TFDP2: variants seen among roughly 807,000 people sequenced by gnomAD.
TFDP2 encodes transcription factor Dp-2.
TFDP2 carries 17 observed loss-of-function variants against 59.3 expected under a neutral mutation model. The ratio of observed to expected loss-of-function variants is 0.29; its 90% CI spans 0.20 to 0.43. The LOEUF (loss-of-function observed/expected upper bound fraction) is 0.43, where lower values mean the gene tolerates loss of function less well. Ranked by LOEUF, TFDP2 falls within the 20% of genes least tolerant of loss-of-function variation. TFDP2 has a pLI of 1.00. For synonymous variants in TFDP2, 180 were observed against 194.7 expected (o/e 0.92, Z 0.63); for missense variants, 391 against 528.8 (o/e 0.74, Z 2.56).
At chr3:142,026,125 G>T (rs979025291) in intron 3 of TFDP2, among the ~76,000 whole-genome samples, 3 of 152,154 alleles carry the variant, frequency 2.0e-5, no homozygotes, top group Admixed American at 1.3e-4. Flanking sequence ...TCAGGCCGAG[G>T]TGGGCAGATC....
At chr3:142,144,742 T>C (rs2063103723) in intron 1 of TFDP2, among the ~76,000 whole-genome samples, 1 of 152,172 alleles carries the variant, frequency 6.6e-6, no homozygotes, top group African/African-American at 2.4e-5. Flanking sequence ...GGTTTCACCA[T>C]GTTGCCCAGG....
chr3:142,096,273 TA>T (rs1048364582), intron 2 of TFDP2, among the ~76,000 whole-genome samples: 1 of 152,240 alleles, frequency 6.6e-6, no homozygotes, highest in African/African-American at 2.4e-5. Flanking sequence ...AAATATGTAT[TA>T]ATTTCTACTA....
At chr3:142,084,471 G>A (rs1165974739) in intron 3 of TFDP2, among the ~76,000 whole-genome samples, 3 of 152,102 alleles carry the variant, frequency 2.0e-5, no homozygotes, top group Non-Finnish European at 4.4e-5. Flanking sequence ...CCCACTACTA[G>A]GTATACACCC....
At chr3:142,117,917 T>C (rs148271465) in intron 1 of TFDP2, among the ~76,000 whole-genome samples, 6,024 of 152,016 alleles carry the variant, frequency 0.04, 395 homozygotes, top group African/African-American at 0.14. Flanking sequence ...GCCAACATGG[T>C]GAAACCCCGT....
intron 11 of TFDP2, among the ~76,000 whole-genome samples, chr3:141,954,972 T>C (rs2107840486): frequency 6.6e-6 from 1 of 152,154 alleles, no homozygotes; most frequent in Non-Finnish European, 1.5e-5. Context: ...TTGAGACAGC[T>C]GGGAAAAAAA....
rs563034145 is a variant in TFDP2 at position 142,028,477 on chromosome 3, C to T, written c.83-22933G>A. 18 of 798,388 alleles carry T rather than the reference C, an allele frequency of 2.3e-5. No individual in the cohort carries two copies. In the South Asian group the frequency reaches 9.4e-4, roughly 42 times the overall value. The allele number at this position is 798,388 out of a possible 1,614,324, so 49.5% of individuals were successfully genotyped here. On this transcript the variant is annotated intron_variant, in intron 3 of 12. Coordinates refer to ENST00000489671, the MANE Select transcript of TFDP2 (RefSeq NM_001178139.2). ...GCAAGGACGTCTTGAAATCAGCGTG[C>T]TCCTGGCTATTTATCAATTTAATAT...
chr3:142,034,462 C>G (rs1170967829), intron 3 of TFDP2, among the ~76,000 whole-genome samples: 1 of 152,092 alleles, frequency 6.6e-6, no homozygotes, highest in African/African-American at 2.4e-5. Context: ...GACACAACCA[C>G]AGTTAGGCAC....
At chr3:142,000,222 AT>A in intron 4 of TFDP2, 2 of 700,270 alleles carry the variant, frequency 2.9e-6, no homozygotes, top group Non-Finnish European at 5.2e-6. Context: ...AAACTGGGTA[AT>A]TTACAAACCA....
chr3:142,127,794 A>G (rs982113504), intron 1 of TFDP2, among the ~76,000 whole-genome samples: 20 of 152,198 alleles, frequency 1.3e-4, no homozygotes, highest in African/African-American at 4.3e-4. Context: ...CATATATCTC[A>G]TCACAAAGGC....
intron 3 of TFDP2, among the ~76,000 whole-genome samples, chr3:142,059,569 G>A (rs539770721): frequency 3.3e-5 from 5 of 152,026 alleles, no homozygotes; most frequent in South Asian, 2.1e-4. Context: ...TAGTGTCACC[G>A]TTCTCTCCAG....
At chr3:142,027,394 C>G (rs1276115271) in intron 3 of TFDP2, among the ~76,000 whole-genome samples, 2 of 151,992 alleles carry the variant, frequency 1.3e-5, no homozygotes, top group Non-Finnish European at 2.9e-5. Flanking sequence ...ATGAAACAAC[C>G]TCAATTGTAA....
chr3:141,952,253 A>T lies in TFDP2; in HGVS notation c.*260T>A, dbSNP rs527520737. On this transcript the variant is annotated 3_prime_UTR_variant, in exon 13 of 13. Transcript: ENST00000489671. ...TCACACTGCCAACTCTTCAGGGATT[A>T]TCCCCACTATCTCCTCAGAAAGCAT... 501 of 328,550 alleles carry T rather than the reference A, an allele frequency of 1.5e-3. 1 individual carries two copies. Among genetic ancestry groups the T allele is most frequent in the Non-Finnish European group, 2.0e-3 (377 of 184,400 alleles). The allele number at this position is 328,550 out of a possible 1,614,324, so 20.4% of individuals were successfully genotyped here. A position where few individuals can be genotyped will look rare whatever the true frequency, so the allele number is the denominator to read the frequency against.
At chr3:142,006,328 T>C (rs1944205917) in intron 3 of TFDP2, among the ~76,000 whole-genome samples, 1 of 152,128 alleles carries the variant, frequency 6.6e-6, no homozygotes, top group Non-Finnish European at 1.5e-5. Context: ...ATCCATGAAG[T>C]ATGTGAAAGA....
In TFDP2 at chr3:141,995,090, T is replaced by A; in HGVS notation, c.238A>T (p.Ser80Cys). 3 of 1,611,404 alleles carry A rather than the reference T, an allele frequency of 1.9e-6. No homozygotes were observed. Among genetic ancestry groups the A allele is most frequent in the East Asian group, 2.2e-5 (1 of 44,794 alleles). The change falls in exon 5 of 13, where the codon AGT (serine) becomes TGT (cysteine). Residue 80 changes from serine to cysteine, a missense_variant. This residue lies in a region of TFDP2 where 162 missense variants were observed against 206.8 expected (regional missense o/e 0.78). Coordinates refer to ENST00000489671, the MANE Select transcript of TFDP2 (RefSeq NM_001178139.2). ...ATTGCTGGTGCAGGGGTATATGGAC[T>A]CCCAATCAGAACACTTCCTGAACTG... is the stretch of plus-strand genomic sequence containing the variant. ...LTSSGSVLIG[S>C]PYTPAPAMVT...
In TFDP2 at chr3:141,944,476, T is replaced by G. The variant is rs181645621; in HGVS notation, c.*8037A>C. On this transcript the variant is annotated 3_prime_UTR_variant, in exon 13 of 13. Coordinates refer to ENST00000489671, the MANE Select transcript of TFDP2 (RefSeq NM_001178139.2). Reference sequence around the variant, plus strand: ...TCTATAATACATTTCATTCAAATCATAAAAGTCTGATACATTTTTTTCTCA... The same window carrying G: ...TCTATAATACATTTCATTCAAATCAGAAAAGTCTGATACATTTTTTTCTCA... 9 of 152,360 alleles carry G rather than the reference T, an allele frequency of 5.9e-5. No homozygotes were observed. The East Asian group carries it at 1.5e-3, about 26-fold the overall frequency. The allele number at this position is 152,360 out of a possible 1,614,324, so 9.4% of individuals were successfully genotyped here.
intron 11 of TFDP2, among the ~76,000 whole-genome samples, chr3:141,955,890 C>A (rs1258350502): frequency 6.6e-6 from 1 of 152,182 alleles, no homozygotes; most frequent in Admixed American, 6.5e-5. Flanking sequence ...TCACTGCAAC[C>A]TCTGCCTCCC....
chr3:142,023,367 T>C (rs1391269370), intron 3 of TFDP2, among the ~76,000 whole-genome samples: 1 of 151,208 alleles, frequency 6.6e-6, no homozygotes, highest in Non-Finnish European at 1.5e-5. Flanking sequence ...TTTCTTGTAT[T>C]TTTAGTAGAG....
rs569058409 is a variant in TFDP2 at position 142,051,024 on chromosome 3, C to T, written c.82+42037G>A. Among the ~76,000 whole-genome samples, 5 of 152,280 alleles carry T rather than the reference C, an allele frequency of 3.3e-5. No individual in the cohort carries two copies. The South Asian group carries it at 1.0e-3, about 32-fold the overall frequency. ...AAAGGACCTAGTATAGCTCAAACAA[C>T]TTTGTAAAATAACAAAATCGAAAGA... On this transcript the variant is annotated intron_variant, in intron 3 of 12. Transcript: ENST00000489671.
chr3:142,011,581 A>T (rs1351609441), intron 3 of TFDP2, among the ~76,000 whole-genome samples: 2 of 143,950 alleles, frequency 1.4e-5, no homozygotes, highest in Non-Finnish European at 3.1e-5. Flanking sequence ...CCTAAAACTT[A>T]AAGTATAATA....
Sources: gnomAD v4.1 joint callset for allele counts (sites outside exome capture counted in the v4.1 genomes callset) on GRCh38, gnomAD v4.1.1 for gene constraint, gnomAD v4.1.1 regional missense constraint, MANE v1.5 for transcripts, NCBI Gene and HGNC (gene_info 2026-07-23, HGNC 2026-07-21) for gene names.